SLC29A4: variants seen among roughly 807,000 people sequenced by gnomAD.
The protein encoded by SLC29A4 is equilibrative nucleoside transporter 4.
Under a neutral mutation model 43.9 loss-of-function variants are expected in SLC29A4, and 36 were observed. The observed-to-expected ratio is 0.82, with a 90% confidence interval of 0.63 to 1.08. The LOEUF is 1.08. Among genes scored for constraint, SLC29A4 ranks in the 50% least tolerant of loss-of-function variants. The probability of loss-of-function intolerance (pLI) is 0.00; values close to 1 mark genes in which losing one functional copy is unlikely to be tolerated. For missense variants in SLC29A4, 869 were observed against 755.3 expected, an observed-to-expected ratio of 1.15 and a Z score of -1.77; for synonymous variants, 491 against 338.0, an observed-to-expected ratio of 1.45 and a Z score of -4.97.
At position 5,303,142 on chromosome 7, in the gene SLC29A4, C is replaced by T. The variant is rs865814668; in HGVS notation, c.*203C>T. ...CTCCGAGGACCGGAACACGTTTCTG[C>T]GACCCGGGGCTCTGGCCAGCACTGT... On this transcript the variant is annotated 3_prime_UTR_variant, in exon 11 of 11. Transcript: ENST00000396872. The T allele has an allele frequency of 4.4e-5, 28 of 636,908 alleles. No individual in the cohort carries two copies. The highest frequency in any genetic ancestry group is 4.2e-4 in the Middle Eastern group (1 of 2,356). The allele number at this position is 636,908 out of a possible 1,614,324, so 39.5% of individuals were successfully genotyped here.
In SLC29A4 at chr7:5,306,162, A is replaced by G. The variant is rs1393061334; in HGVS notation, c.*3223A>G. 1 of 109,118 alleles carries G rather than the reference A, an allele frequency of 9.2e-6. No homozygotes were observed. The highest frequency in any genetic ancestry group is 2.0e-5 in the Non-Finnish European group (1 of 49,774). 6.8% of individuals were successfully genotyped at this position (109,118 alleles called of 1,614,324 possible). A position where few individuals can be genotyped will look rare whatever the true frequency, so the allele number is the denominator to read the frequency against. The stretch of plus-strand genomic sequence containing the variant: ...CCGTGCCCATCCAACTTAACTTTTA[A>G]TTTTTTCTCATGTAAATTTGTTCAA... On this transcript the variant is annotated 3_prime_UTR_variant, in exon 11 of 11. Coordinates refer to ENST00000396872, the MANE Select transcript of SLC29A4 (RefSeq NM_153247.4).
chr7:5,284,062 C>G (rs1443624953), intron 1 of SLC29A4, among the ~76,000 whole-genome samples: 5 of 140,504 alleles, frequency 3.6e-5, no homozygotes, highest in Non-Finnish European at 1.5e-5. Flanking sequence ...CTTGGCCTCT[C>G]TGTGCCTCAG....
At chr7:5,292,048 C>A (rs1379846313) in intron 5 of SLC29A4, among the ~76,000 whole-genome samples, 1 of 152,232 alleles carries the variant, frequency 6.6e-6, no homozygotes, top group Non-Finnish European at 1.5e-5. Flanking sequence ...GACTCTGAGG[C>A]AGCCCCTGGT....
At position 5,303,365 on chromosome 7, in the gene SLC29A4, C is replaced by G; in HGVS notation, c.*426C>G. The G allele has an allele frequency of 4.6e-6, 1 of 217,484 alleles. No individual in the cohort carries two copies. The highest frequency in any genetic ancestry group is 7.0e-5 in the South Asian group (1 of 14,250). 13.5% of individuals were successfully genotyped at this position (217,484 alleles called of 1,614,324 possible). On this transcript the variant is annotated 3_prime_UTR_variant, in exon 11 of 11. Coordinates refer to ENST00000396872, the MANE Select transcript of SLC29A4 (RefSeq NM_153247.4). ...GGCACTGATCGGGGCACCGCCTGGCCCAGCCTCCACCAGGGACCCCTCCTC... is the reference window on the plus strand; with the variant it reads ...GGCACTGATCGGGGCACCGCCTGGCGCAGCCTCCACCAGGGACCCCTCCTC...
At chr7:5,286,001 C>G (rs1258024043) in intron 1 of SLC29A4, among the ~76,000 whole-genome samples, 87 of 151,986 alleles carry the variant, frequency 5.7e-4, no homozygotes, top group Non-Finnish European at 1.2e-4. Context: ...CAAAGCGAGA[C>G]TCTGTCTCAG....
At chr7:5,285,787 A>G (rs1159980218) in intron 1 of SLC29A4, among the ~76,000 whole-genome samples, 1 of 152,156 alleles carries the variant, frequency 6.6e-6, no homozygotes, top group African/African-American at 2.4e-5. Context: ...CAAGGCGAGA[A>G]GATCACTTGA....
At chr7:5,293,588 A>G (rs1206885030) in intron 5 of SLC29A4, among the ~76,000 whole-genome samples, 1 of 152,194 alleles carries the variant, frequency 6.6e-6, no homozygotes, top group Non-Finnish European at 1.5e-5. Context: ...GCCTTCGTGA[A>G]CTAATACTCC....
At chr7:5,284,165 C>T (rs1459444464) in intron 1 of SLC29A4, among the ~76,000 whole-genome samples, 1 of 152,086 alleles carries the variant, frequency 6.6e-6, no homozygotes, top group African/African-American at 2.4e-5. Flanking sequence ...TGAGGGATCA[C>T]CTGAGGCCAG....
In SLC29A4 at chr7:5,306,731, GCAGAA is replaced by G; in HGVS notation, c.*3793_*3797del. 12 of 152,170 alleles carry G rather than the reference GCAGAA, an allele frequency of 7.9e-5. No homozygotes were observed. Among genetic ancestry groups the G allele is most frequent in the Non-Finnish European group, 1.5e-4 (10 of 68,010 alleles). 9.4% of individuals were successfully genotyped at this position (152,170 alleles called of 1,614,324 possible). A position where few individuals can be genotyped will look rare whatever the true frequency, so the allele number is the denominator to read the frequency against. On this transcript the variant is annotated 3_prime_UTR_variant, in exon 11 of 11. Coordinates refer to ENST00000396872, the MANE Select transcript of SLC29A4 (RefSeq NM_153247.4). ...TCCTGCTTCTTGGTGCCCTGATATG[GCAGAA>G]TGCCCCCAGACACCACCCCTACTCC...
intron 2 of SLC29A4, among the ~76,000 whole-genome samples, chr7:5,289,698 C>T (rs1253975545): frequency 6.6e-6 from 1 of 151,944 alleles, no homozygotes; most frequent in African/African-American, 2.4e-5. Context: ...CCATCACGGT[C>T]CCCCCCTTGC....
chr7:5,285,257 GCCACC>G (rs556408331), intron 1 of SLC29A4, among the ~76,000 whole-genome samples: 1 of 151,316 alleles, frequency 6.6e-6, no homozygotes. Context: ...CTGCTCGGCC[GCCACC>G]CCACCCCACC....
At chr7:5,298,227 A>G (rs563789777) in intron 7 of SLC29A4, among the ~76,000 whole-genome samples, 2 of 152,292 alleles carry the variant, frequency 1.3e-5, no homozygotes, top group South Asian at 4.1e-4. Flanking sequence ...AGAGGGGCCC[A>G]GGATGGAAGG....
At chr7:5,285,460 A>G (rs1478758500) in intron 1 of SLC29A4, among the ~76,000 whole-genome samples, 1 of 152,240 alleles carries the variant, frequency 6.6e-6, no homozygotes, top group Non-Finnish European at 1.5e-5. Context: ...GAATCTCCCC[A>G]GCCCCCAAGA....
rs371304076 is a variant in SLC29A4, at chr7:5,302,864, C to T, written c.1518C>T (p.Tyr506=). The change falls in exon 11 of 11, where the codon TAC becomes TAT. Residue 506 remains tyrosine, a synonymous_variant. Coordinates refer to ENST00000396872, the MANE Select transcript of SLC29A4 (RefSeq NM_153247.4). ...TLGSAVAYCT[Y]SLTRDAHGSC... is the part of the protein sequence containing the mutation. ...GGTCCGCCGTGGCCTACTGCACCTA[C>T]AGCCTCACCCGCGACGCTCACGGCA... 3.1e-6 allele frequency: 5 copies of T among 1,601,540 alleles called. No homozygotes were observed. The highest frequency in any genetic ancestry group is 4.3e-6 in the Non-Finnish European group (5 of 1,174,584).
chr7:5,289,651 G>A (rs1344165781), intron 2 of SLC29A4, among the ~76,000 whole-genome samples: 1 of 152,082 alleles, frequency 6.6e-6, no homozygotes, highest in Non-Finnish European at 1.5e-5. Context: ...TGGAACTGGG[G>A]ACTGTACTTC....
Position 5,287,807 on chromosome 7 carries a change from A to C in SLC29A4, c.-8-2A>C, listed in dbSNP as rs754825751. The stretch of plus-strand genomic sequence containing the variant: ...CTGCTCTCTCTGCTTTCTCCAAAGC[A>C]GAGGCTGCCATGGGCTCCGTGGGGA... On this transcript the variant is annotated splice_acceptor_variant, in intron 1 of 10. Transcript: ENST00000396872. LOFTEE classifies it low-confidence loss of function (5UTR_SPLICE). 6.2e-7 allele frequency: 1 copy of C among 1,610,130 alleles called. No homozygotes were observed. The highest frequency in any genetic ancestry group is 8.5e-7 in the Non-Finnish European group (1 of 1,179,486).
chr7:5,284,043 C>A (rs942594351), intron 1 of SLC29A4, among the ~76,000 whole-genome samples: 6 of 64,804 alleles, frequency 9.3e-5, no homozygotes, highest in East Asian at 1.0e-3. Context: ...CCCCCCCCCC[C>A]ACCCCCGACT....
At chr7:5,285,318 A>T (rs1393692401) in intron 1 of SLC29A4, among the ~76,000 whole-genome samples, 1 of 142,446 alleles carries the variant, frequency 7.0e-6, no homozygotes, top group Middle Eastern at 3.3e-3. Context: ...AGGGCTGACG[A>T]GGGGCAGTCA....
chr7:5,291,910 A>T (rs1327580595), intron 5 of SLC29A4, 89 bp downstream of exon 5: 1 of 1,521,162 alleles, frequency 6.6e-7, no homozygotes, highest in East Asian at 2.3e-5. Flanking sequence ...GTGGCATGTG[A>T]CATGATGGGA....
Sources: gnomAD v4.1 joint callset for allele counts (sites outside exome capture counted in the v4.1 genomes callset) on GRCh38, gnomAD v4.1.1 for gene constraint, MANE v1.5 for transcripts, NCBI Gene and HGNC (gene_info 2026-07-23, HGNC 2026-07-21) for gene names.